Variants in ACTR2 observed in about 807,000 individuals in gnomAD.
ACTR2 encodes actin related protein 2.
In ACTR2, 5 loss-of-function variants were observed where a neutral mutation model predicts 50.2. That is an observed-to-expected ratio of 0.10 (90% CI 0.05 to 0.21). The LOEUF is 0.21. ACTR2 is among the 10% of genes least tolerant of loss of function. The pLI, the probability that ACTR2 is intolerant of heterozygous loss-of-function variation, is 1.00. For synonymous variants in ACTR2, 140 were observed against 162.9 expected (o/e 0.86, Z 1.07); for missense variants, 180 against 480.6 (o/e 0.37, Z 5.85).
chr2:65,248,860 A>G (rs1236768960), intron 3 of ACTR2, among the ~76,000 whole-genome samples: 2 of 151,968 alleles, frequency 1.3e-5, no homozygotes, highest in Non-Finnish European at 2.9e-5. Flanking sequence ...CTAAAAACAC[A>G]AAATTAGCTG....
At chr2:65,262,461 G>A (rs926085721) in intron 7 of ACTR2, among the ~76,000 whole-genome samples, 23 of 149,644 alleles carry the variant, frequency 1.5e-4, no homozygotes, top group African/African-American at 4.7e-4. Context: ...GGCTGGTCTC[G>A]AACTCCTGGC....
intron 2 of ACTR2, among the ~76,000 whole-genome samples, chr2:65,240,715 A>G (rs35346281): frequency 0.36 from 55,083 of 152,082 alleles, 11,902 homozygotes; most frequent in African/African-American, 0.6. Flanking sequence ...AGGTGACTGA[A>G]GGATCAAGTT....
chr2:65,235,461 TAAA>T (rs1306685516), intron 1 of ACTR2, among the ~76,000 whole-genome samples: 4 of 152,166 alleles, frequency 2.6e-5, no homozygotes, highest in Non-Finnish European at 5.9e-5. Context: ...ACTTCTGCCT[TAAA>T]AAGTAATCCA....
chr2:65,235,378 T>G (rs1165869505), intron 1 of ACTR2, among the ~76,000 whole-genome samples: 1 of 152,206 alleles, frequency 6.6e-6, no homozygotes, highest in East Asian at 1.9e-4. Context: ...AGTTCATCAC[T>G]ATCAACCACT....
At chr2:65,268,084 G>A (rs561076236) in intron 8 of ACTR2, among the ~76,000 whole-genome samples, 8 of 151,730 alleles carry the variant, frequency 5.3e-5, no homozygotes, top group South Asian at 2.1e-4. Context: ...TGATCCGCCC[G>A]CCTTGGCCTC....
chr2:65,228,885 C>A lies in ACTR2; in HGVS notation c.48+928C>A, dbSNP rs375181395. 1.3e-4 allele frequency among the ~76,000 whole-genome samples: 20 copies of A among 152,108 alleles called. 2 individuals carry two copies. In the South Asian group the frequency reaches 3.7e-3, roughly 28 times the overall value. On this transcript the variant is annotated intron_variant, in intron 1 of 8. Coordinates refer to ENST00000260641, the MANE Select transcript of ACTR2 (RefSeq NM_005722.4). The stretch of plus-strand genomic sequence containing the variant: ...CCAGAGGTTAGGAGTTCGAGACCAG[C>A]CCAGCCAACGTGGTGAAACCCCGGT...
chr2:65,267,667 C>T (rs1313117352), intron 8 of ACTR2, among the ~76,000 whole-genome samples: 1 of 152,012 alleles, frequency 6.6e-6, no homozygotes, highest in Non-Finnish European at 1.5e-5. Flanking sequence ...ATTTTGGTTA[C>T]TGTGTTCATT....
intron 7 of ACTR2, among the ~76,000 whole-genome samples, chr2:65,264,119 G>C (rs1056089397): frequency 4.6e-5 from 7 of 152,136 alleles, no homozygotes; most frequent in African/African-American, 1.4e-4. Context: ...CTAAAGTGCG[G>C]AGTCAGATTC....
At chr2:65,264,872 G>A (rs537605259) in intron 7 of ACTR2, among the ~76,000 whole-genome samples, 171 bp from the exon 8 acceptor site, 1 of 152,278 alleles carries the variant, frequency 6.6e-6, no homozygotes, top group East Asian at 1.9e-4. Flanking sequence ...TATGTAAAGA[G>A]GGGTCGTTAC....
chr2:65,257,581 T>G (rs972439673), intron 6 of ACTR2, among the ~76,000 whole-genome samples: 50 of 152,214 alleles, frequency 3.3e-4, no homozygotes, highest in African/African-American at 1.1e-3. Flanking sequence ...GTAAAAGCGT[T>G]CCTATTTCTC....
At chr2:65,260,693 T>TC (rs910025923) in intron 6 of ACTR2, among the ~76,000 whole-genome samples, 130 of 151,578 alleles carry the variant, frequency 8.6e-4, no homozygotes, top group African/African-American at 3.0e-3. Context: ...CAGTGATTTC[T>TC]CCAAGAAATT....
intron 2 of ACTR2, chr2:65,241,840 A>G (rs1320080697): frequency 8.5e-6 from 4 of 472,142 alleles, no homozygotes; most frequent in South Asian, 6.1e-5. Context: ...AAATCGTTTA[A>G]TGAGTTAATT....
chr2:65,250,371 G>GA (rs997970127), intron 3 of ACTR2, among the ~76,000 whole-genome samples: 26 of 132,402 alleles, frequency 2.0e-4, no homozygotes, highest in Non-Finnish European at 3.2e-4. Context: ...CTCAAAAAAA[G>GA]AAAAAAAAAA....
chr2:65,255,392 G>C (rs561947482), intron 5 of ACTR2, among the ~76,000 whole-genome samples, 153 bp from the exon 6 acceptor site: 5 of 152,034 alleles, frequency 3.3e-5, no homozygotes, highest in African/African-American at 9.7e-5. Flanking sequence ...CTTTTATGGC[G>C]GATAAAATCC....
At chr2:65,232,273 A>G (rs1482975714) in intron 1 of ACTR2, among the ~76,000 whole-genome samples, 1 of 152,180 alleles carries the variant, frequency 6.6e-6, no homozygotes, top group East Asian at 1.9e-4. Flanking sequence ...CAACAAAATG[A>G]AGGTTTCTCC....
intron 5 of ACTR2, among the ~76,000 whole-genome samples, chr2:65,254,508 TTAAAA>T (rs1323418300): frequency 3.9e-5 from 6 of 152,214 alleles, no homozygotes; most frequent in Non-Finnish European, 5.9e-5. Flanking sequence ...ATTTTTAATA[TTAAAA>T]TAAAATTTAG....
At chr2:65,242,952 A>G (rs1671869632) in intron 2 of ACTR2, among the ~76,000 whole-genome samples, 3 of 152,264 alleles carry the variant, frequency 2.0e-5, no homozygotes, top group African/African-American at 7.2e-5. Context: ...ATAAAAGATC[A>G]TAACATTTGT....
In ACTR2 at chr2:65,255,921, A is replaced by G. The variant is rs539421749; in HGVS notation, c.735+227A>G. Among the ~76,000 whole-genome samples, 4 of 152,340 alleles carry G rather than the reference A, an allele frequency of 2.6e-5. No individual in the cohort carries two copies. In the South Asian group the frequency reaches 8.3e-4, roughly 32 times the overall value. ...AGAATCATAAATTACTCTCTATACT[A>G]GGATATAATTAGATGCGAGATGTTA... On this transcript the variant is annotated intron_variant, in intron 6 of 8. Coordinates refer to ENST00000260641, the MANE Select transcript of ACTR2 (RefSeq NM_005722.4).
intron 1 of ACTR2, among the ~76,000 whole-genome samples, chr2:65,237,648 C>G (rs538351803): frequency 6.6e-6 from 1 of 152,100 alleles, no homozygotes; most frequent in African/African-American, 2.4e-5. Flanking sequence ...GCCAGGAGTT[C>G]CAGACCAGCC....
Sources: allele counts gnomAD v4.1 joint callset (sites outside exome capture counted in the v4.1 genomes callset), GRCh38; gene constraint gnomAD v4.1.1; transcripts MANE v1.5; gene names NCBI Gene and HGNC (gene_info 2026-07-23, HGNC 2026-07-21).